The following MTSS1 variants were observed in gnomAD, a reference collection of about 807,000 sequenced individuals.
The protein encoded by MTSS1 is MTSS I-BAR domain containing 1.
In MTSS1, 18 loss-of-function variants were observed where a neutral mutation model predicts 79.0. The observed-to-expected ratio is 0.23, with a 90% confidence interval of 0.16 to 0.34. The LOEUF (loss-of-function observed/expected upper bound fraction) is 0.34, where lower values mean the gene tolerates loss of function less well. Ranked by LOEUF, MTSS1 falls within the 10% of genes least tolerant of loss-of-function variation. The pLI is 1.00. For missense variants in MTSS1, 815 were observed against 986.2 expected (o/e 0.83, Z 2.33); for synonymous variants, 341 against 368.6 (o/e 0.93, Z 0.86).
chr8:124,565,525 C>A, intron 9 of MTSS1, 137 bp downstream of exon 9: 1 of 720,508 alleles, frequency 1.4e-6, no homozygotes, highest in African/African-American at 1.8e-5. Flanking sequence ...AAATTATTAC[C>A]ATTCTTTCAG....
At chr8:124,578,036 C>T (rs1428202091) in intron 6 of MTSS1, among the ~76,000 whole-genome samples, 1 of 152,172 alleles carries the variant, frequency 6.6e-6, no homozygotes, top group East Asian at 1.9e-4. Flanking sequence ...AAAGGATTCA[C>T]ATTTCACAGG....
intron 3 of MTSS1, among the ~76,000 whole-genome samples, chr8:124,614,986 C>T (rs529553898): frequency 5.3e-5 from 8 of 152,320 alleles, no homozygotes; most frequent in Non-Finnish European, 1.0e-4. Context: ...AAGGGCTTGT[C>T]TAAGCTGAGA....
chr8:124,590,500 G>C (rs1284942821), intron 4 of MTSS1, among the ~76,000 whole-genome samples: 1 of 152,156 alleles, frequency 6.6e-6, no homozygotes, highest in Non-Finnish European at 1.5e-5. Flanking sequence ...GAAAATTCTC[G>C]AGCTGCACTG....
intron 3 of MTSS1, among the ~76,000 whole-genome samples, chr8:124,608,561 GTTCC>G (rs1312758952): frequency 1.3e-5 from 2 of 152,242 alleles, no homozygotes; most frequent in Admixed American, 6.5e-5. Flanking sequence ...GGGCCTGAGT[GTTCC>G]TTCCCACTGC....
At chr8:124,569,908 C>T (rs1019363531) in intron 6 of MTSS1, among the ~76,000 whole-genome samples, 1 of 152,184 alleles carries the variant, frequency 6.6e-6, no homozygotes, top group African/African-American at 2.4e-5. Flanking sequence ...TGAACCTATT[C>T]TCTGCCCCAC....
chr8:124,622,508 TAAA>T (rs1449435471), intron 3 of MTSS1, among the ~76,000 whole-genome samples: 4 of 119,296 alleles, frequency 3.4e-5, no homozygotes, highest in Non-Finnish European at 7.1e-5. Context: ...AAAAAAAAGG[TAAA>T]TGACTGGGTG....
chr8:124,577,873 C>T (rs1436488013), intron 6 of MTSS1, among the ~76,000 whole-genome samples: 2 of 152,150 alleles, frequency 1.3e-5, no homozygotes, highest in Non-Finnish European at 2.9e-5. Context: ...TCAATTTTTA[C>T]CATAGAGGCA....
chr8:124,671,732 C>G (rs1168121329), intron 3 of MTSS1, among the ~76,000 whole-genome samples: 1 of 152,158 alleles, frequency 6.6e-6, no homozygotes, highest in South Asian at 2.1e-4. Flanking sequence ...CAGAACAACA[C>G]CAGACGCCTC....
chr8:124,670,959 T>C (rs11988065), intron 3 of MTSS1, among the ~76,000 whole-genome samples: 42,254 of 151,964 alleles, frequency 0.28, 7,041 homozygotes, highest in African/African-American at 0.46. Context: ...ATATAAGAAA[T>C]GGGCATCCTT....
chr8:124,593,018 CAG>C (rs1418872436), intron 3 of MTSS1, among the ~76,000 whole-genome samples: 1 of 152,174 alleles, frequency 6.6e-6, no homozygotes, highest in Non-Finnish European at 1.5e-5. Flanking sequence ...CTTTTATGAC[CAG>C]AGTCTCTTAA....
Position 124,675,468 on chromosome 8 carries a change from T to G in MTSS1, c.208+24058A>C, listed in dbSNP as rs537425138. ...GGTGTACCATATATAGTGACATTGA[T>G]GCAGATTATGCATGTGTGTGTTTTA... On this transcript the variant is annotated intron_variant, in intron 3 of 13. Transcript: ENST00000518547. Among the ~76,000 whole-genome samples the G allele has an allele frequency of 3.3e-5, 5 of 152,404 alleles. No homozygotes were observed. In the South Asian group the frequency reaches 1.0e-3, roughly 32 times the overall value.
At chr8:124,671,858 A>G (rs965346136) in intron 3 of MTSS1, among the ~76,000 whole-genome samples, 9 of 152,230 alleles carry the variant, frequency 5.9e-5, no homozygotes, top group African/African-American at 1.9e-4. Context: ...GTCTCTGTCC[A>G]TAAACACACT....
intron 3 of MTSS1, among the ~76,000 whole-genome samples, chr8:124,651,999 A>G (rs1820051046): frequency 6.6e-6 from 1 of 152,156 alleles, no homozygotes; most frequent in Admixed American, 6.5e-5. Context: ...TTCAAAACTC[A>G]GTTCCAAGGC....
At chr8:124,581,293 A>G (rs2132441124) in intron 6 of MTSS1, among the ~76,000 whole-genome samples, 1 of 151,972 alleles carries the variant, frequency 6.6e-6, no homozygotes, top group East Asian at 1.9e-4. Context: ...GACTCAAAAA[A>G]AAAAAAAAAA....
At chr8:124,575,899 C>A (rs149136235) in intron 6 of MTSS1, among the ~76,000 whole-genome samples, 1 of 152,162 alleles carries the variant, frequency 6.6e-6, no homozygotes. Context: ...ACCTGACTAC[C>A]GGATCCAGAA....
At chr8:124,572,105 T>C (rs1370490750) in intron 6 of MTSS1, among the ~76,000 whole-genome samples, 1 of 152,178 alleles carries the variant, frequency 6.6e-6, no homozygotes, top group East Asian at 1.9e-4. Context: ...AAAAACTGTA[T>C]CTACATAGGA....
chr8:124,635,420 T>C (rs2133887800), intron 3 of MTSS1, among the ~76,000 whole-genome samples: 1 of 152,374 alleles, frequency 6.6e-6, no homozygotes, highest in South Asian at 2.1e-4. Context: ...TATCTAATTC[T>C]GAGAAGACTC....
At chr8:124,624,241 C>T (rs1381280616) in intron 3 of MTSS1, among the ~76,000 whole-genome samples, 5 of 152,146 alleles carry the variant, frequency 3.3e-5, no homozygotes, top group African/African-American at 1.2e-4. Flanking sequence ...AGCAGCAAGC[C>T]CACAATTTAT....
At chr8:124,560,740 TAAAG>T (rs1825111186) in intron 10 of MTSS1, among the ~76,000 whole-genome samples, 1 of 152,342 alleles carries the variant, frequency 6.6e-6, no homozygotes, top group Admixed American at 6.5e-5. Flanking sequence ...TCATTTTTTA[TAAAG>T]AACCTCTTGA....
Sources: allele counts gnomAD v4.1 joint callset (sites outside exome capture counted in the v4.1 genomes callset), GRCh38; gene constraint gnomAD v4.1.1; transcripts MANE v1.5; gene names NCBI Gene and HGNC (gene_info 2026-07-23, HGNC 2026-07-21).